Variants in MAP3K20 observed in about 807,000 individuals in gnomAD.
MAP3K20 encodes mitogen-activated protein kinase kinase kinase 20.
MAP3K20 carries 40 observed loss-of-function variants against 85.7 expected under a neutral mutation model. The ratio of observed to expected loss-of-function variants is 0.47; its 90% confidence interval spans 0.36 to 0.61. MAP3K20 has a LOEUF of 0.61. MAP3K20 is among the 20% of genes least tolerant of loss of function. The pLI, the probability that MAP3K20 is intolerant of heterozygous loss-of-function variation, is 0.00. For missense variants in MAP3K20, 817 were observed against 961.7 expected, an observed-to-expected ratio of 0.85 and a Z score of 1.99; for synonymous variants, 325 against 327.7, an observed-to-expected ratio of 0.99 and a Z score of 0.09.
intron 14 of MAP3K20, among the ~76,000 whole-genome samples, chr2:173,236,849 T>C (rs1184249926): frequency 6.6e-6 from 1 of 152,154 alleles, no homozygotes; most frequent in Non-Finnish European, 1.5e-5. Context: ...GGAGTCCTCC[T>C]GGTCCTTGTC....
chr2:173,224,868 A>G (rs1684341555), intron 11 of MAP3K20: 1 of 985,230 alleles, frequency 1.0e-6, no homozygotes, highest in South Asian at 4.7e-5. Context: ...AGAATTTCTA[A>G]TGATGATATT....
chr2:173,088,558 G>A (rs1360228374), intron 1 of MAP3K20, among the ~76,000 whole-genome samples: 1 of 152,232 alleles, frequency 6.6e-6, no homozygotes, highest in African/African-American at 2.4e-5. Context: ...TGCGTCTAGA[G>A]AGTGGGAATT....
intron 2 of MAP3K20, among the ~76,000 whole-genome samples, chr2:173,163,482 A>G (rs1331172745): frequency 6.6e-6 from 1 of 152,200 alleles, no homozygotes; most frequent in Non-Finnish European, 1.5e-5. Context: ...GCTGCATAAT[A>G]TTCCTAGCTC....
At chr2:173,226,345 T>C in intron 11 of MAP3K20, 1 of 984,444 alleles carries the variant, frequency 1.0e-6, no homozygotes, top group Non-Finnish European at 1.2e-6. Context: ...TAAAAAATTA[T>C]TGTACTAGAC....
intron 2 of MAP3K20, among the ~76,000 whole-genome samples, chr2:173,151,980 A>C (rs559791374): frequency 6.6e-6 from 1 of 152,368 alleles, no homozygotes; most frequent in South Asian, 2.1e-4. Context: ...ATAATAAACT[A>C]TGTGGTCTGC....
At chr2:173,186,194 T>A (rs1233735071) in intron 4 of MAP3K20, among the ~76,000 whole-genome samples, 12 of 152,186 alleles carry the variant, frequency 7.9e-5, no homozygotes, top group Admixed American at 7.9e-4. Context: ...TCCTTACTTG[T>A]CAGCAAGTGT....
rs1690909339 is a variant in MAP3K20, at chr2:173,198,082, A to G, written c.639A>G (p.Gln213=). The G allele has an allele frequency of 2.5e-6, 4 of 1,613,148 alleles. No homozygotes were observed. In the South Asian group the frequency reaches 3.3e-5, roughly 13 times the overall value. The change falls in exon 8 of 20, where the codon CAA becomes CAG. Residue 213 remains glutamine (Q), a synonymous_variant. Transcript: ENST00000375213. The surrounding 1 kb of genome is among the most constrained non-coding windows in gnomAD (Gnocchi z 5.8). ...CCTTTAAAGGTTTGGAAGGATTACA[A>G]GTAGCTTGGCTTGTAGTGGAAAAAA... is the stretch of plus-strand genomic sequence containing the variant. The part of the protein sequence containing the change: ...EVPFKGLEGL[Q]VAWLVVEKNE...
intron 11 of MAP3K20, chr2:173,226,111 C>T (rs1684380677): frequency 1.0e-6 from 1 of 981,426 alleles, no homozygotes; most frequent in African/African-American, 1.8e-5. Flanking sequence ...TGATTTTTAA[C>T]GTGCAGTGAA....
chr2:173,189,154 G>T (rs981517182), intron 5 of MAP3K20, among the ~76,000 whole-genome samples: 3 of 152,080 alleles, frequency 2.0e-5, no homozygotes, highest in Admixed American at 2.0e-4. Context: ...CACTTTCTAT[G>T]TTATGTATTT....
intron 16 of MAP3K20, among the ~76,000 whole-genome samples, chr2:173,250,527 T>A (rs1332965148): frequency 6.6e-6 from 1 of 152,240 alleles, no homozygotes; most frequent in South Asian, 2.1e-4. Context: ...GGCAGTGTCA[T>A]GGAAGCAGCT....
intron 1 of MAP3K20, among the ~76,000 whole-genome samples, chr2:173,088,651 A>G (rs541049483): frequency 6.6e-6 from 1 of 152,310 alleles, no homozygotes; most frequent in African/African-American, 2.4e-5. Context: ...GCTTTTATAA[A>G]AATAATTAAC....
intron 2 of MAP3K20, among the ~76,000 whole-genome samples, chr2:173,125,782 T>C (rs542880844): frequency 6.6e-6 from 1 of 151,992 alleles, no homozygotes; most frequent in South Asian, 2.1e-4. Context: ...CCTGCCTCAG[T>C]CTCCTGAGTA....
chr2:173,162,239 G>C (rs1034623730), intron 2 of MAP3K20, among the ~76,000 whole-genome samples: 2 of 152,106 alleles, frequency 1.3e-5, no homozygotes, highest in Non-Finnish European at 2.9e-5. Flanking sequence ...AGTGACCCTG[G>C]ATCATATTGG....
chr2:173,155,600 A>T (rs1402951465), intron 2 of MAP3K20, among the ~76,000 whole-genome samples: 1 of 152,198 alleles, frequency 6.6e-6, no homozygotes, highest in Non-Finnish European at 1.5e-5. Flanking sequence ...TAACTACACC[A>T]TGTTAACTGT....
chr2:173,246,931 A>G (rs1469755958), intron 16 of MAP3K20, among the ~76,000 whole-genome samples: 1 of 152,194 alleles, frequency 6.6e-6, no homozygotes, highest in Admixed American at 6.5e-5. Context: ...CCAGATGACC[A>G]TCACTTCCAA....
intron 10 of MAP3K20, chr2:173,212,913 A>G (rs1179391817): frequency 1.3e-5 from 2 of 152,168 alleles, no homozygotes; most frequent in African/African-American, 4.8e-5. Context: ...AGTGCAATAA[A>G]CAGAGAATTA....
At chr2:173,128,401 C>T (rs576050693) in intron 2 of MAP3K20, among the ~76,000 whole-genome samples, 15 of 152,002 alleles carry the variant, frequency 9.9e-5, no homozygotes, top group East Asian at 7.7e-4. Context: ...GGCATGATGT[C>T]GGCTCACTGC....
chr2:173,207,348 T>G lies in MAP3K20; in HGVS notation c.745-2381T>G, dbSNP rs140280503. 5.3e-3 allele frequency among the ~76,000 whole-genome samples: 813 copies of G among 152,144 alleles called. 6 individuals are homozygous for G. Among genetic ancestry groups the G allele is most frequent in the African/African-American group, 0.019 (779 of 41,508 alleles). ...CTCTACTAAAATACAAAAGATTAGC[T>G]GGGCGTGGTGGCGCGTTCCTGTAGT... On this transcript the variant is annotated intron_variant, in intron 9 of 19. Coordinates refer to ENST00000375213, the MANE Select transcript of MAP3K20 (RefSeq NM_016653.3).
At chr2:173,247,974 G>A (rs891686465) in intron 16 of MAP3K20, among the ~76,000 whole-genome samples, 3 of 152,202 alleles carry the variant, frequency 2.0e-5, no homozygotes. Context: ...GTTTTAAGAA[G>A]GGTGACATGA....
Sources: allele counts gnomAD v4.1 joint callset (sites outside exome capture counted in the v4.1 genomes callset), GRCh38; gene constraint gnomAD v4.1.1; non-coding constraint Gnocchi (gnomAD v3.1); transcripts MANE v1.5; gene names NCBI Gene and HGNC (gene_info 2026-07-23, HGNC 2026-07-21).